The following TTC27 variants were observed in gnomAD, a reference collection of about 807,000 sequenced individuals.
TTC27 encodes tetratricopeptide repeat protein 27.
A neutral mutation model predicts 115.9 loss-of-function variants in TTC27; 79 were observed. That is an observed-to-expected ratio of 0.68 (90% CI 0.57 to 0.82). TTC27 has a LOEUF of 0.82. Ranked by LOEUF, TTC27 falls within the 40% of genes least tolerant of loss-of-function variation. The pLI, the probability that TTC27 is intolerant of heterozygous loss-of-function variation, is 0.00. For missense variants in TTC27, 1,054 were observed against 993.1 expected, an observed-to-expected ratio of 1.06 and a Z score of -0.82; for synonymous variants, 401 against 356.0, an observed-to-expected ratio of 1.13 and a Z score of -1.42.
intron 12 of TTC27, among the ~76,000 whole-genome samples, chr2:32,755,004 G>C (rs1047432155): frequency 6.6e-5 from 10 of 151,532 alleles, no homozygotes; most frequent in Admixed American, 5.9e-4. Context: ...GGGCAGAGGG[G>C]CTCCTCACTT....
chr2:32,694,617 T>G (rs1666921831), intron 9 of TTC27, among the ~76,000 whole-genome samples: 1 of 152,082 alleles, frequency 6.6e-6, no homozygotes, highest in Admixed American at 6.6e-5. Context: ...ATTTCTGTCT[T>G]TATATGTTCT....
intron 10 of TTC27, among the ~76,000 whole-genome samples, chr2:32,708,688 T>C (rs956067901): frequency 6.6e-6 from 1 of 151,484 alleles, no homozygotes; most frequent in Admixed American, 6.6e-5. Flanking sequence ...TTTGTTGTTG[T>C]TGTTGTTGTT....
In TTC27 at chr2:32,787,103, C is replaced by T. The variant is rs1670374585; in HGVS notation, c.1952C>T (p.Ala651Val). ...DVGEFSEAIK[A>V]YHRLLDLRDK... Reference sequence around the variant, plus strand: ...GGGGAATTTTCAGAAGCCATTAAAGCTTATCACCGGCTCTTGGACTTACGT... The same window carrying T: ...GGGGAATTTTCAGAAGCCATTAAAGTTTATCACCGGCTCTTGGACTTACGT... Residue 651 changes from alanine (A) to valine (V), a missense_variant, in exon 16 of 20, where the codon GCT becomes GTT. Ala to Val is a moderately conservative substitution (Grantham distance 64). Coordinates refer to ENST00000317907, the MANE Select transcript of TTC27 (RefSeq NM_017735.5). The T allele has an allele frequency of 1.2e-6, 2 of 1,613,950 alleles. No individual in the cohort carries two copies. Among genetic ancestry groups the T allele is most frequent in the Non-Finnish European group, 1.7e-6 (2 of 1,179,968 alleles).
chr2:32,798,630 G>A lies in TTC27; in HGVS notation c.1998+11481G>A, dbSNP rs376824249. Among the ~76,000 whole-genome samples, 7 of 146,092 alleles carry A rather than the reference G, an allele frequency of 4.8e-5. No homozygotes were observed. The East Asian group carries it at 6.1e-4, about 13-fold the overall frequency. ...TGAGGCAGGAGAATGGCATGAACCC[G>A]GGAGGTGGAGCTTACCGTGAGCCAA... is the stretch of plus-strand genomic sequence containing the variant. On this transcript the variant is annotated intron_variant, in intron 16 of 19. Transcript: ENST00000317907.
intron 16 of TTC27, among the ~76,000 whole-genome samples, chr2:32,797,732 A>G (rs947022262): frequency 6.6e-6 from 1 of 152,256 alleles, no homozygotes; most frequent in African/African-American, 2.4e-5. Context: ...CACCAAAAGC[A>G]CAGGCAATAA....
At chr2:32,813,875 A>G (rs1671396128) in intron 18 of TTC27, among the ~76,000 whole-genome samples, 1 of 152,194 alleles carries the variant, frequency 6.6e-6, no homozygotes, top group Non-Finnish European at 1.5e-5. Flanking sequence ...CTGAAAGTCA[A>G]TGTAGAAAAG....
intron 3 of TTC27, among the ~76,000 whole-genome samples, chr2:32,637,354 C>T (rs1043697593): frequency 3.3e-5 from 5 of 151,264 alleles, no homozygotes; most frequent in African/African-American, 7.3e-5. Flanking sequence ...TTTTTTCAGA[C>T]GGAGTCTCAC....
At chr2:32,814,863 C>T (rs1671445818) in intron 18 of TTC27, among the ~76,000 whole-genome samples, 1 of 152,096 alleles carries the variant, frequency 6.6e-6, no homozygotes, top group South Asian at 2.1e-4. Context: ...AACAAAATTG[C>T]CTCACCACAC....
At chr2:32,737,885 G>T (rs1405179253) in intron 12 of TTC27, among the ~76,000 whole-genome samples, 1 of 152,024 alleles carries the variant, frequency 6.6e-6, no homozygotes, top group East Asian at 1.9e-4. Flanking sequence ...GTGTAGTGGT[G>T]CATGCCTGTA....
chr2:32,748,624 ATTGT>A (rs1290635715), intron 12 of TTC27, among the ~76,000 whole-genome samples: 2 of 150,056 alleles, frequency 1.3e-5, no homozygotes, highest in Non-Finnish European at 3.0e-5. Context: ...TATATTTGTG[ATTGT>A]TATATCTTTC....
At chr2:32,717,419 C>A (rs1667791221) in intron 10 of TTC27, among the ~76,000 whole-genome samples, 1 of 152,162 alleles carries the variant, frequency 6.6e-6, no homozygotes, top group Non-Finnish European at 1.5e-5. Flanking sequence ...TAAGTGTTTG[C>A]CACTTGAAGG....
At chr2:32,812,193 G>GT in intron 17 of TTC27, among the ~76,000 whole-genome samples, 1 of 152,242 alleles carries the variant, frequency 6.6e-6, no homozygotes, top group East Asian at 1.9e-4. Flanking sequence ...CTCTAAACAG[G>GT]TTTTTTAAAC....
At chr2:32,677,250 G>C (rs1666242933) in intron 8 of TTC27, among the ~76,000 whole-genome samples, 1 of 151,968 alleles carries the variant, frequency 6.6e-6, no homozygotes, top group Admixed American at 6.6e-5. Context: ...GCATTCTGTT[G>C]GATGAATATA....
At chr2:32,640,942 A>C (rs1327790197) in intron 4 of TTC27, among the ~76,000 whole-genome samples, 1 of 152,144 alleles carries the variant, frequency 6.6e-6, no homozygotes, top group African/African-American at 2.4e-5. Flanking sequence ...TGATTGCGCC[A>C]TTGCACTCCA....
At chr2:32,809,600 G>A (rs773570942) in intron 16 of TTC27, among the ~76,000 whole-genome samples, 3 of 152,180 alleles carry the variant, frequency 2.0e-5, no homozygotes, top group Non-Finnish European at 4.4e-5. Context: ...TGACTAGCAT[G>A]GTGTTACAGT....
intron 5 of TTC27, among the ~76,000 whole-genome samples, chr2:32,663,829 C>T (rs574509733): frequency 3.6e-4 from 55 of 152,170 alleles, no homozygotes; most frequent in African/African-American, 1.2e-3. Context: ...GGACTACAGG[C>T]GCATGCCACT....
At chr2:32,791,874 CA>C in intron 16 of TTC27, among the ~76,000 whole-genome samples, 1 of 151,748 alleles carries the variant, frequency 6.6e-6, no homozygotes, top group Non-Finnish European at 1.5e-5. Context: ...AACCCCATCT[CA>C]AAAAAATATG....
At chr2:32,758,821 G>T (rs1386580935) in intron 13 of TTC27, among the ~76,000 whole-genome samples, 1 of 152,084 alleles carries the variant, frequency 6.6e-6, no homozygotes, top group Non-Finnish European at 1.5e-5. Context: ...GAGCGGATAT[G>T]TTAGGAAGAA....
At chr2:32,631,754 A>C (rs538505735) in intron 2 of TTC27, among the ~76,000 whole-genome samples, 2 of 152,304 alleles carry the variant, frequency 1.3e-5, no homozygotes, top group East Asian at 3.9e-4. Flanking sequence ...AGGAGTTTGC[A>C]AAAGAATGCT....
Sources: allele counts gnomAD v4.1 joint callset (sites outside exome capture counted in the v4.1 genomes callset), GRCh38; gene constraint gnomAD v4.1.1; transcripts MANE v1.5; gene names NCBI Gene and HGNC (gene_info 2026-07-23, HGNC 2026-07-21).